The following ZNF704 variants were observed in gnomAD, a reference collection of about 807,000 sequenced individuals.
The protein encoded by ZNF704 is glucocorticoid induced gene 1.
Under a neutral mutation model 44.7 loss-of-function variants are expected in ZNF704, and 10 were observed. The observed-to-expected ratio is 0.22, with a 90% confidence interval of 0.14 to 0.38. The LOEUF (loss-of-function observed/expected upper bound fraction) is 0.38, where lower values mean the gene tolerates loss of function less well. Ranked by LOEUF, ZNF704 falls within the 10% of genes least tolerant of loss-of-function variation. ZNF704 has a pLI of 1.00. For synonymous variants in ZNF704, 211 were observed against 207.6 expected (o/e 1.02, Z -0.14); for missense variants, 390 against 545.5 (o/e 0.71, Z 2.84).
chr8:80,757,145 T>C (rs1563542937), intron 2 of ZNF704, among the ~76,000 whole-genome samples: 1 of 152,178 alleles, frequency 6.6e-6, no homozygotes, highest in African/African-American at 2.4e-5. Context: ...GCAGGTCCTT[T>C]AGAGGTATTT....
chr8:80,849,098 G>A (rs1274914212), intron 1 of ZNF704, among the ~76,000 whole-genome samples: 2 of 152,314 alleles, frequency 1.3e-5, no homozygotes, highest in East Asian at 1.9e-4. Context: ...GAAGAGGTGA[G>A]TAGTAAAGTT....
intron 2 of ZNF704, among the ~76,000 whole-genome samples, chr8:80,785,550 C>T (rs760404455): frequency 2.0e-5 from 3 of 152,126 alleles, no homozygotes; most frequent in Non-Finnish European, 2.9e-5. Flanking sequence ...TATATACATA[C>T]GGACTCATGG....
At chr8:80,839,455 A>G (rs2129957955) in intron 1 of ZNF704, among the ~76,000 whole-genome samples, 1 of 152,390 alleles carries the variant, frequency 6.6e-6, no homozygotes, top group Non-Finnish European at 1.5e-5. Context: ...ATTCACAGAT[A>G]GCCAATTATT....
intron 2 of ZNF704, among the ~76,000 whole-genome samples, chr8:80,738,125 C>T (rs1806695085): frequency 6.6e-6 from 1 of 152,156 alleles, no homozygotes; most frequent in Admixed American, 6.5e-5. Flanking sequence ...AAGATTACCA[C>T]AAAGATGAAG....
chr8:80,668,508 C>T (rs1227158638), intron 5 of ZNF704, among the ~76,000 whole-genome samples: 1 of 152,182 alleles, frequency 6.6e-6, no homozygotes, highest in Non-Finnish European at 1.5e-5. Flanking sequence ...GAAGAACGAG[C>T]ATCTGTTCTA....
chr8:80,764,692 G>T (rs532840981), intron 2 of ZNF704, among the ~76,000 whole-genome samples: 104 of 152,276 alleles, frequency 6.8e-4, no homozygotes, highest in African/African-American at 2.4e-3. Flanking sequence ...TGAAAGTTTG[G>T]TTATTGCTTG....
intron 2 of ZNF704, among the ~76,000 whole-genome samples, chr8:80,812,801 A>C (rs868215477): frequency 2.6e-5 from 4 of 152,170 alleles, no homozygotes; most frequent in Middle Eastern, 3.2e-3. Flanking sequence ...TTTCTATTGG[A>C]CAGTTTTGCT....
At chr8:80,666,534 C>T (rs1431317594) in intron 5 of ZNF704, among the ~76,000 whole-genome samples, 34 of 146,486 alleles carry the variant, frequency 2.3e-4, no homozygotes, top group African/African-American at 5.0e-4. Context: ...CCTGAGGAAT[C>T]GCCACACTGA....
intron 1 of ZNF704, among the ~76,000 whole-genome samples, chr8:80,844,586 G>T (rs898793057): frequency 1.3e-5 from 2 of 152,124 alleles, no homozygotes; most frequent in African/African-American, 4.8e-5. Context: ...CAGATAGGGC[G>T]GAGCAGGTGG....
intron 4 of ZNF704, among the ~76,000 whole-genome samples, chr8:80,673,595 A>G (rs1203092022): frequency 6.6e-6 from 1 of 152,226 alleles, no homozygotes; most frequent in Non-Finnish European, 1.5e-5. Context: ...TCTTGAGTCT[A>G]TGAAGCAATC....
chr8:80,720,336 C>T (rs1332678133), intron 2 of ZNF704, among the ~76,000 whole-genome samples: 1 of 152,226 alleles, frequency 6.6e-6, no homozygotes, highest in African/African-American at 2.4e-5. Context: ...CAAAGTTTCA[C>T]AGCCAAGGTC....
At chr8:80,825,338 C>A (rs1434189123) in intron 1 of ZNF704, among the ~76,000 whole-genome samples, 2 of 152,070 alleles carry the variant, frequency 1.3e-5, no homozygotes, top group African/African-American at 4.8e-5. Flanking sequence ...AAGGCCATTA[C>A]ATAATGGTAA....
intron 2 of ZNF704, among the ~76,000 whole-genome samples, chr8:80,817,719 A>G (rs1196433551): frequency 1.3e-5 from 2 of 152,150 alleles, no homozygotes; most frequent in Non-Finnish European, 2.9e-5. Flanking sequence ...ATTGATACTG[A>G]GCTCTTCCTT....
At chr8:80,777,739 C>T (rs1429516705) in intron 2 of ZNF704, among the ~76,000 whole-genome samples, 1 of 151,970 alleles carries the variant, frequency 6.6e-6, no homozygotes, top group Non-Finnish European at 1.5e-5. Flanking sequence ...ATTAGCTGGG[C>T]ATAATGATGG....
chr8:80,718,765 G>A (rs75409336), intron 2 of ZNF704, among the ~76,000 whole-genome samples: 4 of 152,106 alleles, frequency 2.6e-5, no homozygotes, highest in South Asian at 2.1e-4. Context: ...CCATTAAGTC[G>A]GGGGTGGCTT....
At chr8:80,817,767 A>G (rs1033917689) in intron 2 of ZNF704, among the ~76,000 whole-genome samples, 1 of 152,236 alleles carries the variant, frequency 6.6e-6, no homozygotes, top group African/African-American at 2.4e-5. Flanking sequence ...AAAGATATCA[A>G]TAAAAAAATT....
At chr8:80,853,729 T>A (rs764899255) in intron 1 of ZNF704, among the ~76,000 whole-genome samples, 8 of 152,170 alleles carry the variant, frequency 5.3e-5, no homozygotes, top group Non-Finnish European at 1.2e-4. Context: ...TTTCATCTTC[T>A]ATTCATTGAA....
intron 7 of ZNF704, among the ~76,000 whole-genome samples, chr8:80,652,213 C>A (rs1422342286): frequency 5.3e-5 from 8 of 151,932 alleles, no homozygotes; most frequent in Non-Finnish European, 1.0e-4. Flanking sequence ...CAAGAGAAAG[C>A]AGGAAAGATC....
chr8:80,735,928 A>G (rs1806657814), intron 2 of ZNF704, among the ~76,000 whole-genome samples: 2 of 152,350 alleles, frequency 1.3e-5, no homozygotes, highest in South Asian at 4.1e-4. Context: ...TACAAAGAGA[A>G]AGAAAATATA....
Sources: allele counts gnomAD v4.1 joint callset (sites outside exome capture counted in the v4.1 genomes callset), GRCh38; gene constraint gnomAD v4.1.1; transcripts MANE v1.5; gene names NCBI Gene and HGNC (gene_info 2026-07-23, HGNC 2026-07-21).